NTM: variants seen among roughly 807,000 people sequenced by gnomAD.
NTM encodes neurotrimin.
In NTM, 13 loss-of-function variants were observed where a neutral mutation model predicts 42.1. That is an observed-to-expected ratio of 0.31 (90% CI 0.20 to 0.49). The LOEUF (loss-of-function observed/expected upper bound fraction) is 0.49. NTM is among the 20% of genes least tolerant of loss of function. The probability of loss-of-function intolerance (pLI) is 0.99; values close to 1 mark genes in which losing one functional copy is unlikely to be tolerated. For missense variants in NTM, 373 were observed against 452.8 expected (o/e 0.82, Z 1.60); for synonymous variants, 187 against 179.2 (o/e 1.04, Z -0.35).
rs373061530 is a variant in NTM at position 132,184,587 on chromosome 11, A to G, written c.401-27435A>G. 3.3e-4 allele frequency among the ~76,000 whole-genome samples: 50 copies of G among 152,294 alleles called. No homozygotes were observed. In the East Asian group the frequency reaches 8.5e-3, roughly 26 times the overall value. ...CGGTCCTGGTAGTTAAAGGTGGTGA[A>G]ACCCTCTCATTCACCTGAAGCCTGG... On this transcript the variant is annotated intron_variant, in intron 3 of 8. Transcript: ENST00000683400.
chr11:131,770,175 T>C (rs1016111478), intron 1 of NTM, among the ~76,000 whole-genome samples: 3 of 152,234 alleles, frequency 2.0e-5, no homozygotes, highest in Non-Finnish European at 2.9e-5. Context: ...TTTATCCAGC[T>C]AACCAGGTAG....
At chr11:131,476,557 G>A (rs1413162819) in intron 1 of NTM, among the ~76,000 whole-genome samples, 3 of 152,138 alleles carry the variant, frequency 2.0e-5, no homozygotes, top group Non-Finnish European at 4.4e-5. Flanking sequence ...AGTAATGGGA[G>A]GAGGGGCAGG....
intron 3 of NTM, among the ~76,000 whole-genome samples, chr11:132,153,321 A>T (rs1337747673): frequency 3.3e-5 from 5 of 152,206 alleles, no homozygotes. Context: ...TTCAAGATGT[A>T]TGCCTTTAGA....
chr11:132,315,983 G>A (rs1256518638), intron 7 of NTM, among the ~76,000 whole-genome samples: 2 of 151,830 alleles, frequency 1.3e-5, no homozygotes, highest in Non-Finnish European at 2.9e-5. Flanking sequence ...ACAGAGACCA[G>A]GATTAGGAAG....
intron 1 of NTM, among the ~76,000 whole-genome samples, chr11:131,384,698 A>G (rs567244412): frequency 6.6e-6 from 1 of 152,316 alleles, no homozygotes; most frequent in Admixed American, 6.5e-5. Context: ...TCCTGAGAAT[A>G]GGTACAGAAA....
intron 2 of NTM, among the ~76,000 whole-genome samples, chr11:132,116,610 A>C (rs2063937702): frequency 6.6e-6 from 1 of 152,162 alleles, no homozygotes; most frequent in Admixed American, 6.5e-5. Flanking sequence ...TCAGAGCAGG[A>C]GTGTTCCTTC....
intron 1 of NTM, among the ~76,000 whole-genome samples, chr11:131,880,869 A>G (rs2049361027): frequency 6.6e-6 from 1 of 151,936 alleles, no homozygotes; most frequent in Non-Finnish European, 1.5e-5. Context: ...CTAAACTCTG[A>G]TAGGTGCTAA....
At chr11:132,104,298 A>T (rs1262175133) in intron 2 of NTM, among the ~76,000 whole-genome samples, 3 of 152,026 alleles carry the variant, frequency 2.0e-5, no homozygotes, top group Non-Finnish European at 2.9e-5. Flanking sequence ...GAGTGATGAG[A>T]TTATAGGATA....
intron 1 of NTM, chr11:131,794,990 C>G (rs2091391904): frequency 1.0e-6 from 1 of 985,184 alleles, no homozygotes; most frequent in South Asian, 4.7e-5. Flanking sequence ...CAGCCTTGGG[C>G]AGGCTACAGA....
At chr11:131,523,463 G>A (rs903627185) in intron 1 of NTM, among the ~76,000 whole-genome samples, 2 of 152,122 alleles carry the variant, frequency 1.3e-5, no homozygotes, top group African/African-American at 4.8e-5. Context: ...AGTGTTGGTA[G>A]TGTATGTTGA....
At chr11:131,497,354 A>G (rs1477678677) in intron 1 of NTM, among the ~76,000 whole-genome samples, 1 of 135,148 alleles carries the variant, frequency 7.4e-6, no homozygotes, top group Non-Finnish European at 1.6e-5. Context: ...ATGCCTGGCT[A>G]ACTTTTGTAT....
chr11:131,828,920 C>G (rs1435047456), intron 1 of NTM, among the ~76,000 whole-genome samples: 2 of 151,904 alleles, frequency 1.3e-5, no homozygotes, highest in Non-Finnish European at 2.9e-5. Context: ...ACTACTTACC[C>G]TGTCATTACC....
chr11:131,890,411 A>G (rs1280691754), intron 1 of NTM, among the ~76,000 whole-genome samples: 1 of 152,186 alleles, frequency 6.6e-6, no homozygotes, highest in Admixed American at 6.5e-5. Context: ...AGCCTCCTGT[A>G]ATAACCACCA....
intron 1 of NTM, among the ~76,000 whole-genome samples, chr11:131,729,912 C>G (rs2079427796): frequency 7.0e-6 from 1 of 142,820 alleles, no homozygotes; most frequent in Non-Finnish European, 1.5e-5. Flanking sequence ...CATTTACATA[C>G]AGAGTTTTTT....
chr11:131,783,797 C>A (rs372505005), intron 1 of NTM, among the ~76,000 whole-genome samples: 1 of 152,076 alleles, frequency 6.6e-6, no homozygotes, highest in African/African-American at 2.4e-5. Flanking sequence ...TAAACCTCAT[C>A]CAAACTGAAA....
At chr11:131,568,930 AACATATCATTC>A (rs2057168139) in intron 1 of NTM, among the ~76,000 whole-genome samples, 1 of 152,138 alleles carries the variant, frequency 6.6e-6, no homozygotes, top group Admixed American at 6.6e-5. Flanking sequence ...ACAATTCCAG[AACATATCATTC>A]ACCTGTTTGA....
intron 1 of NTM, among the ~76,000 whole-genome samples, chr11:131,503,670 A>G (rs1194574091): frequency 1.4e-5 from 2 of 145,794 alleles, no homozygotes; most frequent in Non-Finnish European, 3.0e-5. Flanking sequence ...CCACAGGCAC[A>G]CTCCACTATG....
rs1015687145 is a variant in NTM, at chr11:131,867,453, GTGTGTGTGTC to G, written c.83-44098_83-44089del. ...AGTGTGAATAACCATATGTGTATGT[GTGTGTGTGTC>G]TGTGTGTGTCTGAGTGTGTGTCTAC... On this transcript the variant is annotated intron_variant, in intron 1 of 8. Coordinates refer to ENST00000683400, the MANE Select transcript of NTM (RefSeq NM_001352005.2). 2.6e-4 allele frequency among the ~76,000 whole-genome samples: 40 copies of G among 152,098 alleles called. 1 individual carries two copies. The highest frequency in any genetic ancestry group is 7.0e-4 in the African/African-American group (29 of 41,454).
At chr11:131,709,312 T>G (rs544123607) in intron 1 of NTM, among the ~76,000 whole-genome samples, 1 of 152,296 alleles carries the variant, frequency 6.6e-6, no homozygotes, top group African/African-American at 2.4e-5. Flanking sequence ...ATAACTCATG[T>G]TTTAAACAGA....
Sources: gnomAD v4.1 joint callset for allele counts (sites outside exome capture counted in the v4.1 genomes callset) on GRCh38, gnomAD v4.1.1 for gene constraint, MANE v1.5 for transcripts, NCBI Gene and HGNC (gene_info 2026-07-23, HGNC 2026-07-21) for gene names.